The following FOXP1 variants were observed in gnomAD, a reference collection of about 807,000 sequenced individuals.
FOXP1 encodes forkhead box protein P1.
Under a neutral mutation model 98.2 loss-of-function variants are expected in FOXP1, and 15 were observed. The observed-to-expected ratio is 0.15, with a 90% CI of 0.10 to 0.24. The LOEUF (loss-of-function observed/expected upper bound fraction) is 0.24, where lower values mean the gene tolerates loss of function less well. Among genes scored for constraint, FOXP1 ranks in the 10% least tolerant of loss-of-function variants. FOXP1 has a pLI of 1.00. For synonymous variants in FOXP1, 371 were observed against 314.5 expected, an observed-to-expected ratio of 1.18 and a Z score of -1.90; for missense variants, 633 against 848.5, an observed-to-expected ratio of 0.75 and a Z score of 3.15.
At chr3:71,290,369 T>A (rs557611084) in intron 5 of FOXP1, among the ~76,000 whole-genome samples, 3 of 152,200 alleles carry the variant, frequency 2.0e-5, no homozygotes, top group African/African-American at 7.2e-5. Flanking sequence ...AAACTCCCCA[T>A]CAATTTCACT....
chr3:70,992,725 C>T (rs1294485042), intron 13 of FOXP1, among the ~76,000 whole-genome samples: 1 of 152,182 alleles, frequency 6.6e-6, no homozygotes, highest in African/African-American at 2.4e-5. Context: ...CAGACGCACA[C>T]TAATACTAAG....
chr3:71,451,187 C>T (rs546924939), intron 3 of FOXP1, among the ~76,000 whole-genome samples: 2 of 152,148 alleles, frequency 1.3e-5, no homozygotes, highest in East Asian at 1.9e-4. Context: ...GGCTGTGTTA[C>T]GCATGGACAC....
intron 3 of FOXP1, among the ~76,000 whole-genome samples, chr3:71,361,708 C>T (rs973272794): frequency 2.0e-5 from 3 of 152,164 alleles, no homozygotes; most frequent in African/African-American, 4.8e-5. Flanking sequence ...TCCAGTGAGA[C>T]GCCGGTCTGC....
At chr3:71,000,540 C>T (rs1290521771) in intron 13 of FOXP1, among the ~76,000 whole-genome samples, 7 of 152,050 alleles carry the variant, frequency 4.6e-5, no homozygotes, top group Non-Finnish European at 1.0e-4. Context: ...CATTCATTCT[C>T]TCAAACTCTC....
chr3:71,367,428 G>GTCC (rs1231826682), intron 3 of FOXP1, among the ~76,000 whole-genome samples: 3 of 152,084 alleles, frequency 2.0e-5, no homozygotes, highest in African/African-American at 7.2e-5. Context: ...GGTTTACAAG[G>GTCC]TCCTGTATGA....
intron 2 of FOXP1, among the ~76,000 whole-genome samples, chr3:71,579,609 TTTTTTTC>T (rs2047990797): frequency 7.0e-6 from 1 of 143,546 alleles, no homozygotes; most frequent in Non-Finnish European, 1.5e-5. Context: ...CCAGAGATTT[TTTTTTTC>T]TTTTTTTTCT....
Position 70,955,457 on chromosome 3 carries a change from T to C in FOXP1, c.*3790A>G, listed in dbSNP as rs2031542083. On this transcript the variant is annotated 3_prime_UTR_variant, in exon 21 of 21. Transcript: ENST00000649528. Reference sequence around the variant, plus strand: ...GGACTCTAGGGACAGGTAGGTTGGATCCTCATTCCTGACAGTGCATTTGTC... The same window carrying C: ...GGACTCTAGGGACAGGTAGGTTGGACCCTCATTCCTGACAGTGCATTTGTC... 4.3e-6 allele frequency: 1 copy of C among 232,712 alleles called. No homozygotes were observed. Among genetic ancestry groups the C allele is most frequent in the Non-Finnish European group, 8.5e-6 (1 of 117,824 alleles). 14.4% of individuals were successfully genotyped at this position (232,712 alleles called of 1,614,324 possible).
intron 3 of FOXP1, among the ~76,000 whole-genome samples, chr3:71,473,840 A>G (rs1179803777): frequency 6.6e-6 from 1 of 152,194 alleles, no homozygotes; most frequent in African/African-American, 2.4e-5. Context: ...TGACACACAC[A>G]AAAAGAACTG....
chr3:71,175,059 C>G (rs1301793410), intron 6 of FOXP1, among the ~76,000 whole-genome samples: 1 of 152,016 alleles, frequency 6.6e-6, no homozygotes, highest in African/African-American at 2.4e-5. Flanking sequence ...ATTACAAGCG[C>G]CTGCCACCAC....
chr3:71,012,044 A>T (rs932564713), intron 12 of FOXP1, among the ~76,000 whole-genome samples: 5 of 152,190 alleles, frequency 3.3e-5, no homozygotes, highest in African/African-American at 9.6e-5. Flanking sequence ...GGCATAAGTT[A>T]GCCATTAACA....
At position 71,558,489 on chromosome 3, in the gene FOXP1, G is replaced by GT. The variant is rs543494961; in HGVS notation, c.-298+23059dup. 6.9e-4 allele frequency among the ~76,000 whole-genome samples: 104 copies of GT among 151,070 alleles called. 1 individual carries two copies. In the South Asian group the frequency reaches 0.018, roughly 26 times the overall value. On this transcript the variant is annotated intron_variant, in intron 2 of 20. Transcript: ENST00000649528. The stretch of plus-strand genomic sequence containing the variant: ...GTTCTTTTTCTTGTTTTTGTTTTTT[G>GT]TTTTTTTGGATTTTTTTTTTTTTTG...
intron 11 of FOXP1, among the ~76,000 whole-genome samples, chr3:71,039,621 C>A (rs2048065398): frequency 6.6e-6 from 1 of 152,148 alleles, no homozygotes; most frequent in Non-Finnish European, 1.5e-5. Flanking sequence ...GCCTCCTGCT[C>A]TGCCTATGGA....
chr3:71,495,284 T>A (rs1171934266), intron 2 of FOXP1, among the ~76,000 whole-genome samples: 1 of 152,244 alleles, frequency 6.6e-6, no homozygotes, highest in Non-Finnish European at 1.5e-5. Flanking sequence ...GCCCACCTAC[T>A]TAAGTTAGGT....
intron 3 of FOXP1, among the ~76,000 whole-genome samples, chr3:71,440,074 G>C (rs548868488): frequency 6.6e-6 from 1 of 152,050 alleles, no homozygotes; most frequent in Non-Finnish European, 1.5e-5. Flanking sequence ...CCATTTATAT[G>C]AGGTATCTAG....
intron 7 of FOXP1, chr3:71,064,921 C>T (rs1427925126): frequency 2.5e-5 from 12 of 484,444 alleles, no homozygotes; most frequent in Non-Finnish European, 3.2e-5. Flanking sequence ...TGCAGGCGGA[C>T]TGCACGCGCG....
intron 6 of FOXP1, among the ~76,000 whole-genome samples, chr3:71,197,448 C>T (rs148480262): frequency 1.6e-4 from 25 of 152,242 alleles, no homozygotes; most frequent in African/African-American, 5.1e-4. Context: ...TTTCTTGGGT[C>T]GCCTGTACCA....
At chr3:71,397,091 T>TACATATAC in intron 3 of FOXP1, among the ~76,000 whole-genome samples, 1 of 104,270 alleles carries the variant, frequency 9.6e-6, no homozygotes, top group African/African-American at 3.5e-5. Flanking sequence ...TATGTGTATA[T>TACATATAC]ATATATATAC....
intron 2 of FOXP1, among the ~76,000 whole-genome samples, chr3:71,523,739 G>T (rs1224708239): frequency 2.0e-5 from 3 of 152,064 alleles, no homozygotes; most frequent in Non-Finnish European, 4.4e-5. Context: ...GTGAGATAAG[G>T]CATGGATACA....
At chr3:71,009,262 G>T (rs1254144959) in intron 12 of FOXP1, among the ~76,000 whole-genome samples, 2 of 150,306 alleles carry the variant, frequency 1.3e-5, no homozygotes, top group African/African-American at 4.9e-5. Context: ...TATGTCCGGG[G>T]CCACAAAAGC....
Sources: gnomAD v4.1 joint callset for allele counts (sites outside exome capture counted in the v4.1 genomes callset) on GRCh38, gnomAD v4.1.1 for gene constraint, MANE v1.5 for transcripts, NCBI Gene and HGNC (gene_info 2026-07-23, HGNC 2026-07-21) for gene names.